PLXNA4: variants seen among roughly 807,000 people sequenced by gnomAD.
PLXNA4 encodes plexin A4, also known as plexin-A4.
PLXNA4 carries 44 observed loss-of-function variants against 191.8 expected under a neutral mutation model. The ratio of observed to expected loss-of-function variants is 0.23; its 90% CI spans 0.18 to 0.29. The LOEUF is 0.29. Among genes scored for constraint, PLXNA4 ranks in the 10% least tolerant of loss-of-function variants. The probability of loss-of-function intolerance (pLI) is 1.00; values close to 1 mark genes in which losing one functional copy is unlikely to be tolerated. For missense variants in PLXNA4, 1,800 were observed against 2,488.8 expected (o/e 0.72, Z 5.89); for synonymous variants, 1,082 against 1,009.5 (o/e 1.07, Z -1.36).
chr7:132,511,731 T>C (rs913412804), intron 1 of PLXNA4, among the ~76,000 whole-genome samples: 2 of 152,248 alleles, frequency 1.3e-5, no homozygotes, highest in Non-Finnish European at 2.9e-5. Context: ...AGATGGTTCC[T>C]GGTGGTACAT....
chr7:132,264,845 C>T (rs1799789143), intron 4 of PLXNA4, among the ~76,000 whole-genome samples: 3 of 152,036 alleles, frequency 2.0e-5, no homozygotes, highest in Non-Finnish European at 4.4e-5. Context: ...TTACAGGCGC[C>T]TGCCACCTCA....
chr7:132,214,009 A>C (rs543645105), intron 9 of PLXNA4, among the ~76,000 whole-genome samples: 116 of 152,342 alleles, frequency 7.6e-4, no homozygotes, highest in African/African-American at 2.6e-3. Context: ...GGAGAGCAGA[A>C]AGAAGGGCTC....
At chr7:132,159,214 A>G (rs1473882269) in intron 25 of PLXNA4, among the ~76,000 whole-genome samples, 1 of 152,122 alleles carries the variant, frequency 6.6e-6, no homozygotes, top group Non-Finnish European at 1.5e-5. Flanking sequence ...ATGTCCTGCC[A>G]GGCAGATCAC....
chr7:132,371,339 C>T (rs1804431014), intron 3 of PLXNA4, among the ~76,000 whole-genome samples: 1 of 152,160 alleles, frequency 6.6e-6, no homozygotes, highest in South Asian at 2.1e-4. Context: ...TGAGATGGCC[C>T]AAGACCCTCA....
At chr7:132,267,835 G>A (rs571489726) in intron 4 of PLXNA4, among the ~76,000 whole-genome samples, 2 of 152,308 alleles carry the variant, frequency 1.3e-5, no homozygotes, top group East Asian at 3.9e-4. Flanking sequence ...GCCCATGTCT[G>A]AGAGCTGAAT....
intron 3 of PLXNA4, among the ~76,000 whole-genome samples, chr7:132,440,337 G>T (rs1297328178): frequency 2.0e-5 from 3 of 152,114 alleles, no homozygotes; most frequent in Non-Finnish European, 4.4e-5. Context: ...ACTACGACAC[G>T]CAACCAGCAA....
chr7:132,296,733 C>A (rs970428735), intron 4 of PLXNA4, among the ~76,000 whole-genome samples: 1 of 152,150 alleles, frequency 6.6e-6, no homozygotes, highest in Non-Finnish European at 1.5e-5. Context: ...CCCCTCAGCT[C>A]CTAGGGCCTC....
chr7:132,267,953 G>A (rs1584924364), intron 4 of PLXNA4, among the ~76,000 whole-genome samples: 2 of 152,258 alleles, frequency 1.3e-5, no homozygotes, highest in East Asian at 3.9e-4. Context: ...AATAAGCCAG[G>A]CAATGGAGAA....
chr7:132,228,401 C>T lies in PLXNA4; in HGVS notation c.1673G>A (p.Cys558Tyr). 1 of 1,614,184 alleles carries T rather than the reference C, an allele frequency of 6.2e-7. No homozygotes were observed. The change falls in exon 6 of 32, where the codon TGT becomes TAT. Residue 558 changes from cysteine (C) to tyrosine (Y), a missense_variant. Coordinates refer to ENST00000321063, the MANE Select transcript of PLXNA4 (RefSeq NM_020911.2). ...GTTGGGATGGACCGTCAGCCGGACA[C>T]ACTGCTTCATCTCCGAGGCAAACCT... Reference protein sequence around the residue: ...PRRFASEMKQCVRLTVHPNNI... With the variant: ...PRRFASEMKQYVRLTVHPNNI...
chr7:132,168,685 C>CCG, intron 21 of PLXNA4, 113 bp from the exon 22 acceptor site: 1 of 1,398,778 alleles, frequency 7.1e-7, no homozygotes, highest in Admixed American at 2.7e-5. Flanking sequence ...AATTAAGCCA[C>CCG]AGTCCACCTG....
chr7:132,435,451 G>T (rs1363110220), intron 3 of PLXNA4, among the ~76,000 whole-genome samples: 1 of 152,072 alleles, frequency 6.6e-6, no homozygotes, highest in Non-Finnish European at 1.5e-5. Flanking sequence ...CAGCCACGGG[G>T]CTCCCAAGCA....
chr7:132,414,916 C>G (rs185500152), intron 3 of PLXNA4, among the ~76,000 whole-genome samples: 3 of 152,178 alleles, frequency 2.0e-5, no homozygotes, highest in Non-Finnish European at 4.4e-5. Flanking sequence ...TTCTTTCCAA[C>G]GCCAAGGACA....
intron 1 of PLXNA4, among the ~76,000 whole-genome samples, chr7:132,570,354 T>C (rs1185320208): frequency 6.6e-6 from 1 of 152,206 alleles, no homozygotes; most frequent in East Asian, 1.9e-4. Flanking sequence ...CGTCTGCTAC[T>C]GTCTCCTCTC....
intron 3 of PLXNA4, among the ~76,000 whole-genome samples, chr7:132,378,101 A>G (rs937983999): frequency 6.6e-5 from 10 of 152,092 alleles, no homozygotes; most frequent in Non-Finnish European, 1.2e-4. Flanking sequence ...GAAACCATCT[A>G]TGCTATTCCC....
chr7:132,311,188 G>GTGTGTGTGTGTGTT (rs1387461691), intron 3 of PLXNA4, among the ~76,000 whole-genome samples: 1 of 136,450 alleles, frequency 7.3e-6, no homozygotes, highest in Admixed American at 7.9e-5. Flanking sequence ...GTGTGTGTGT[G>GTGTGTGTGTGTGTT]TGTGTGCGCG....
intron 3 of PLXNA4, chr7:132,383,739 C>T: frequency 1.0e-6 from 1 of 984,334 alleles, no homozygotes; most frequent in Non-Finnish European, 1.2e-6. Flanking sequence ...GTGATTATTA[C>T]CCTTGAAACA....
chr7:132,224,191 T>A (rs1222450303), intron 8 of PLXNA4, among the ~76,000 whole-genome samples: 2 of 152,076 alleles, frequency 1.3e-5, no homozygotes, highest in Non-Finnish European at 2.9e-5. Flanking sequence ...CCCAACATGG[T>A]TCCCTTTTCC....
intron 4 of PLXNA4, among the ~76,000 whole-genome samples, chr7:132,244,348 G>T (rs1353328771): frequency 6.6e-6 from 1 of 152,150 alleles, no homozygotes; most frequent in African/African-American, 2.4e-5. Flanking sequence ...TATAACAATG[G>T]CACCAGGTCT....
rs539670355 is a variant in PLXNA4, at chr7:132,199,628, G to C, written c.2587-992C>G. ...AGCCAATGTCAGCAGGATTAGAATGGAAGGAGCCCAGAGAGTCCATCTCTA... is the reference window on the plus strand; with the variant it reads ...AGCCAATGTCAGCAGGATTAGAATGCAAGGAGCCCAGAGAGTCCATCTCTA... On this transcript the variant is annotated intron_variant, in intron 12 of 31. Coordinates refer to ENST00000321063, the MANE Select transcript of PLXNA4 (RefSeq NM_020911.2). Among the ~76,000 whole-genome samples the C allele has an allele frequency of 7.9e-5, 12 of 152,280 alleles. No homozygotes were observed. In the East Asian group the frequency reaches 2.3e-3, roughly 29 times the overall value.
Sources: gnomAD v4.1 joint callset for allele counts (sites outside exome capture counted in the v4.1 genomes callset) on GRCh38, gnomAD v4.1.1 for gene constraint, MANE v1.5 for transcripts, NCBI Gene and HGNC (gene_info 2026-07-23, HGNC 2026-07-21) for gene names.